The following TENM3 variants were observed in gnomAD, a reference collection of about 807,000 sequenced individuals.
The protein encoded by TENM3 is teneurin-3.
A neutral mutation model predicts 255.1 loss-of-function variants in TENM3; 63 were observed. That is an observed-to-expected ratio of 0.25 (90% confidence interval 0.20 to 0.30). TENM3 has a LOEUF of 0.30. Ranked by LOEUF, TENM3 falls within the 10% of genes least tolerant of loss-of-function variation. The probability of loss-of-function intolerance (pLI) is 1.00; values close to 1 mark genes in which losing one functional copy is unlikely to be tolerated. For synonymous variants in TENM3, 1,306 were observed against 1,322.3 expected (o/e 0.99, Z 0.27); for missense variants, 2,929 against 3,461.1 (o/e 0.85, Z 3.86).
the TENM3 span, among the ~76,000 whole-genome samples, chr4:181,674,011 A>G: frequency 2.0e-5 from 3 of 152,040 alleles, no homozygotes; most frequent in African/African-American, 7.2e-5. Flanking sequence ...TTATTGGGGA[A>G]AGGGGATAGG....
chr4:181,529,540 T>A, the TENM3 span, among the ~76,000 whole-genome samples: 1 of 152,226 alleles, frequency 6.6e-6, no homozygotes, highest in African/African-American at 2.4e-5. Context: ...CAGCCTAAGA[T>A]AACTACAATC....
the TENM3 span, among the ~76,000 whole-genome samples, chr4:181,536,399 G>A: frequency 6.6e-6 from 1 of 152,234 alleles, no homozygotes; most frequent in Non-Finnish European, 1.5e-5. Context: ...GCTCTGAGAT[G>A]ACGTCACTGC....
chr4:181,625,826 TAATAATAAC>T, the TENM3 span, among the ~76,000 whole-genome samples: 1 of 137,314 alleles, frequency 7.3e-6, no homozygotes, highest in South Asian at 2.6e-4. Flanking sequence ...AAAAAAATAA[TAATAATAAC>T]AATAATAATA....
chr4:182,662,859 G>A (rs949167610), intron 6 of TENM3, among the ~76,000 whole-genome samples: 2 of 152,166 alleles, frequency 1.3e-5, no homozygotes, highest in Non-Finnish European at 2.9e-5. Flanking sequence ...ATGCTAACAG[G>A]AATGAACACA....
At chr4:182,277,178 G>T (rs1760059303) in intron 1 of TENM3, among the ~76,000 whole-genome samples, 1 of 152,298 alleles carries the variant, frequency 6.6e-6, no homozygotes, top group South Asian at 2.1e-4. Context: ...TAGAAATTCT[G>T]CAGTGTGGTC....
At chr4:181,716,183 A>C in the TENM3 span, among the ~76,000 whole-genome samples, 1 of 152,228 alleles carries the variant, frequency 6.6e-6, no homozygotes, top group African/African-American at 2.4e-5. Context: ...ATCATTAGAA[A>C]TATAATCTTA....
chr4:182,048,565 G>C, the TENM3 span, among the ~76,000 whole-genome samples: 1 of 152,182 alleles, frequency 6.6e-6, no homozygotes, highest in African/African-American at 2.4e-5. Context: ...ACAAAACTCA[G>C]TTGAATTCAC....
the TENM3 span, among the ~76,000 whole-genome samples, chr4:182,102,280 G>A: frequency 2.0e-5 from 3 of 152,282 alleles, no homozygotes; most frequent in East Asian, 5.8e-4. Context: ...TTGGAGCCCT[G>A]GAGTAAGGAA....
intron 3 of TENM3, among the ~76,000 whole-genome samples, chr4:182,444,573 A>T (rs1019636551): frequency 6.6e-6 from 1 of 152,174 alleles, no homozygotes; most frequent in Admixed American, 6.5e-5. Context: ...CCTCTATAAG[A>T]TTACAGCTCT....
the TENM3 span, among the ~76,000 whole-genome samples, chr4:182,017,581 GAC>G: frequency 2.6e-5 from 4 of 151,664 alleles, no homozygotes; most frequent in African/African-American, 9.7e-5. Context: ...ATGAAATACA[GAC>G]ACACACACAC....
the TENM3 span, among the ~76,000 whole-genome samples, chr4:181,606,320 A>G: frequency 4.6e-5 from 7 of 152,102 alleles, no homozygotes. Flanking sequence ...TGCCATGCCA[A>G]CCAACCCAGC....
At chr4:181,659,986 T>C in the TENM3 span, among the ~76,000 whole-genome samples, 7 of 152,160 alleles carry the variant, frequency 4.6e-5, no homozygotes, top group Non-Finnish European at 8.8e-5. Flanking sequence ...TTCACTACAA[T>C]AGACAACTAA....
At chr4:182,626,365 G>A (rs547500981) in intron 4 of TENM3, among the ~76,000 whole-genome samples, 1 of 152,264 alleles carries the variant, frequency 6.6e-6, no homozygotes, top group South Asian at 2.1e-4. Context: ...TTGGTCCTTT[G>A]AATAGAGACT....
At chr4:181,735,081 G>C in the TENM3 span, among the ~76,000 whole-genome samples, 385 of 152,058 alleles carry the variant, frequency 2.5e-3, 1 homozygote, top group African/African-American at 8.8e-3. Flanking sequence ...AACTGGGTAT[G>C]TAAAAAATAT....
intron 22 of TENM3, among the ~76,000 whole-genome samples, chr4:182,767,452 C>T (rs1343630132): frequency 1.3e-5 from 2 of 152,060 alleles, no homozygotes; most frequent in Non-Finnish European, 2.9e-5. Flanking sequence ...TTGCGGTAAC[C>T]GGTGACAAGA....
Position 182,535,881 on chromosome 4 carries a change from CAT to C in TENM3, c.512-65040_512-65039del, listed in dbSNP as rs1316496837. On this transcript the variant is annotated intron_variant, in intron 3 of 27. Transcript: ENST00000511685. ...AATTAAATGAGTAAATATATGTTAA[CAT>C]ATGTGAAATGTTTAGAACAGTTACT... is the stretch of plus-strand genomic sequence containing the variant. Among the ~76,000 whole-genome samples, 53 of 152,112 alleles carry C rather than the reference CAT, an allele frequency of 3.5e-4. 1 individual carries two copies. The highest frequency in any genetic ancestry group is 1.2e-3 in the Admixed American group (19 of 15,270).
chr4:182,778,787 A>G (rs1056456204), intron 24 of TENM3, among the ~76,000 whole-genome samples: 2 of 152,218 alleles, frequency 1.3e-5, no homozygotes, highest in African/African-American at 4.8e-5. Flanking sequence ...GGAAGTATAC[A>G]TCACAAAGGA....
At chr4:182,002,004 A>T in the TENM3 span, among the ~76,000 whole-genome samples, 1 of 152,118 alleles carries the variant, frequency 6.6e-6, no homozygotes, top group East Asian at 1.9e-4. Flanking sequence ...CTTTTTGAAA[A>T]GGCTTTAAAT....
intron 14 of TENM3, 66 bp from the exon 15 acceptor site, chr4:182,730,134 A>G (rs1760571279): frequency 3.2e-5 from 51 of 1,588,784 alleles, no homozygotes; most frequent in Non-Finnish European, 4.0e-5. Flanking sequence ...TGAATTATCT[A>G]TAAATCATGA....
Sources: gnomAD v4.1 joint callset for allele counts (sites outside exome capture counted in the v4.1 genomes callset) on GRCh38, gnomAD v4.1.1 for gene constraint, MANE v1.5 for transcripts, NCBI Gene and HGNC (gene_info 2026-07-23, HGNC 2026-07-21) for gene names.